The following AOPEP variants were observed in gnomAD, a reference collection of about 807,000 sequenced individuals.
The protein encoded by AOPEP is aminopeptidase O.
In AOPEP, 77 loss-of-function variants were observed where a neutral mutation model predicts 98.1. That is an observed-to-expected ratio of 0.78 (90% CI 0.65 to 0.95). The LOEUF (loss-of-function observed/expected upper bound fraction) is 0.95, where lower values mean the gene tolerates loss of function less well. AOPEP is among the 40% of genes least tolerant of loss of function. The pLI is 0.00. For missense variants in AOPEP, 1,024 were observed against 1,024.7 expected (o/e 1.00, Z 0.01); for synonymous variants, 346 against 365.3 (o/e 0.95, Z 0.60).
intron 13 of AOPEP, among the ~76,000 whole-genome samples, chr9:95,008,127 G>A (rs2062177948): frequency 6.6e-6 from 1 of 152,096 alleles, no homozygotes; most frequent in African/African-American, 2.4e-5. Flanking sequence ...GGTAGATGCC[G>A]CTTTGAAATG....
At chr9:94,968,160 G>GT (rs1242772351) in intron 10 of AOPEP, among the ~76,000 whole-genome samples, 2 of 152,176 alleles carry the variant, frequency 1.3e-5, no homozygotes, top group African/African-American at 4.8e-5. Context: ...AGGAAATACT[G>GT]TTTAATTAAA....
chr9:94,778,000 A>G (rs1219612048), intron 3 of AOPEP, among the ~76,000 whole-genome samples: 1 of 152,326 alleles, frequency 6.6e-6, no homozygotes. Context: ...TGACATGAAC[A>G]GATGCTTTTC....
chr9:95,099,691 C>G, the AOPEP span: 1 of 232,160 alleles, frequency 4.3e-6, no homozygotes, highest in Non-Finnish European at 8.5e-6. Flanking sequence ...AGGGACAGTC[C>G]TCCCACCCAG....
At chr9:94,953,973 A>T (rs557569959) in intron 7 of AOPEP, among the ~76,000 whole-genome samples, 2 of 152,304 alleles carry the variant, frequency 1.3e-5, no homozygotes, top group South Asian at 2.1e-4. Context: ...AGTGGAAAAG[A>T]TCTTCATGGA....
chr9:94,877,263 G>A (rs996244655), intron 5 of AOPEP, among the ~76,000 whole-genome samples: 2 of 152,120 alleles, frequency 1.3e-5, no homozygotes, highest in Non-Finnish European at 2.9e-5. Flanking sequence ...TTACCTAGTT[G>A]CATTTGTGCA....
At chr9:95,097,156 ATCTT>A in the AOPEP span, among the ~76,000 whole-genome samples, 1 of 152,240 alleles carries the variant, frequency 6.6e-6, no homozygotes, top group Non-Finnish European at 1.5e-5. Context: ...CCTACAAAAC[ATCTT>A]TCTGAAAAGG....
At chr9:94,914,447 A>T (rs79020983) in intron 5 of AOPEP, among the ~76,000 whole-genome samples, 2,398 of 151,954 alleles carry the variant, frequency 0.016, 64 homozygotes, top group African/African-American at 0.055. Flanking sequence ...ACCTGATAAA[A>T]TCCTATCTTT....
intron 5 of AOPEP, among the ~76,000 whole-genome samples, chr9:94,802,662 A>C (rs1393038727): frequency 2.0e-5 from 3 of 152,232 alleles, no homozygotes; most frequent in Non-Finnish European, 4.4e-5. Context: ...GGTGATCATA[A>C]CTTAGCAACA....
chr9:95,142,191 C>A, the AOPEP span, among the ~76,000 whole-genome samples: 3,442 of 152,006 alleles, frequency 0.023, 141 homozygotes, highest in African/African-American at 0.079. Flanking sequence ...TGGGATTTTA[C>A]CACGTTGGCC....
intron 5 of AOPEP, among the ~76,000 whole-genome samples, chr9:94,853,173 A>G (rs1048135720): frequency 6.6e-6 from 1 of 152,218 alleles, no homozygotes; most frequent in African/African-American, 2.4e-5. Flanking sequence ...GATTTTATTG[A>G]ACAAGGCTGG....
intron 5 of AOPEP, among the ~76,000 whole-genome samples, chr9:94,806,546 C>T (rs917306731): frequency 6.6e-6 from 1 of 152,320 alleles, no homozygotes. Context: ...GTGATTTATG[C>T]CCATGTGTGC....
At chr9:94,967,905 T>C in intron 10 of AOPEP, 104 bp downstream of exon 10, 2 of 968,492 alleles carry the variant, frequency 2.1e-6, no homozygotes, top group South Asian at 1.3e-5. Context: ...TCAGTCTTTC[T>C]GTCTAATAGA....
intron 5 of AOPEP, among the ~76,000 whole-genome samples, chr9:94,868,313 C>G (rs2045936680): frequency 6.6e-6 from 1 of 152,188 alleles, no homozygotes; most frequent in South Asian, 2.1e-4. Context: ...AGGCAGTTGT[C>G]TGGGAGTAAT....
At chr9:94,955,841 C>T (rs2058413456) in intron 8 of AOPEP, 67 bp from the exon 9 acceptor site, 8 of 1,110,252 alleles carry the variant, frequency 7.2e-6, no homozygotes, top group Non-Finnish European at 1.1e-5. Flanking sequence ...GTAGGGCTGA[C>T]TATATAACCA....
At chr9:94,795,210 A>G (rs1846649877) in intron 4 of AOPEP, among the ~76,000 whole-genome samples, 1 of 152,172 alleles carries the variant, frequency 6.6e-6, no homozygotes. Flanking sequence ...GAGAGAGGTG[A>G]GTCAGAATCT....
chr9:94,740,982 G>A (rs117892292), intron 1 of AOPEP, among the ~76,000 whole-genome samples: 2,935 of 152,296 alleles, frequency 0.019, 49 homozygotes, highest in Non-Finnish European at 0.03. Flanking sequence ...GGTGAGGAAA[G>A]TTTCACAGAG....
intron 5 of AOPEP, among the ~76,000 whole-genome samples, chr9:94,892,156 G>T (rs1317779891): frequency 6.6e-6 from 1 of 151,740 alleles, no homozygotes; most frequent in African/African-American, 2.4e-5. Flanking sequence ...ATTTATCTTG[G>T]CATGGGTTTC....
intron 13 of AOPEP, among the ~76,000 whole-genome samples, chr9:95,011,352 C>T (rs567763323): frequency 2.0e-4 from 30 of 152,064 alleles, no homozygotes; most frequent in African/African-American, 6.5e-4. Context: ...CGTGCCACCA[C>T]GCCCCATGCC....
At chr9:95,005,311 G>A in intron 12 of AOPEP, 91 bp downstream of exon 12, 1 of 775,196 alleles carries the variant, frequency 1.3e-6, no homozygotes, top group Non-Finnish European at 1.7e-6. Context: ...TGCGGCGCGC[G>A]GGTGCGGGGA....
Sources: gnomAD v4.1 joint callset for allele counts (sites outside exome capture counted in the v4.1 genomes callset) on GRCh38, gnomAD v4.1.1 for gene constraint, MANE v1.5 for transcripts, NCBI Gene and HGNC (gene_info 2026-07-23, HGNC 2026-07-21) for gene names.